The following PPIL1 variants were observed in gnomAD, a reference collection of about 807,000 sequenced individuals.
PPIL1 encodes the protein peptidylprolyl isomerase like 1.
Under a neutral mutation model 19.4 loss-of-function variants are expected in PPIL1, and 14 were observed. The ratio of observed to expected loss-of-function variants is 0.72; its 90% CI spans 0.48 to 1.13. The LOEUF is 1.13. Among genes scored for constraint, PPIL1 ranks in the 50% most tolerant of loss-of-function variants. PPIL1 has a pLI of 0.00. For missense variants in PPIL1, 192 were observed against 218.0 expected (o/e 0.88, Z 0.75); for synonymous variants, 72 against 73.6 (o/e 0.98, Z 0.11).
At chr6:36,873,980 T>G (rs11756425) in intron 1 of PPIL1, among the ~76,000 whole-genome samples, 29,532 of 152,076 alleles carry the variant, frequency 0.19, 3,678 homozygotes, top group East Asian at 0.34. Context: ...CACTTTGAGC[T>G]TTTTCCAAAG....
At chr6:36,861,639 T>C (rs1408003599) in intron 2 of PPIL1, among the ~76,000 whole-genome samples, 1 of 152,096 alleles carries the variant, frequency 6.6e-6, no homozygotes, top group Non-Finnish European at 1.5e-5. Context: ...GAACAGAACC[T>C]TTGCAGTTAA....
At position 36,855,723 on chromosome 6, in the gene PPIL1, A is replaced by C; in HGVS notation, c.*90T>G. ...TAAGCTTCATGACTTGCAAAGCCAA[A>C]ATGAATTTAGCATTACATGTCATTC... On this transcript the variant is annotated 3_prime_UTR_variant, in exon 4 of 4. Coordinates refer to ENST00000373699, the MANE Select transcript of PPIL1 (RefSeq NM_016059.5). 1 of 1,383,856 alleles carries C rather than the reference A, an allele frequency of 7.2e-7. No homozygotes were observed. Among genetic ancestry groups the C allele is most frequent in the Non-Finnish European group, 1.0e-6 (1 of 990,064 alleles). 85.7% of individuals were successfully genotyped at this position (1,383,856 alleles called of 1,614,324 possible).
At chr6:36,856,203 TA>T (rs1475282260) in intron 3 of PPIL1, among the ~76,000 whole-genome samples, 170 bp from the exon 4 acceptor site, 6 of 152,180 alleles carry the variant, frequency 3.9e-5, no homozygotes, top group African/African-American at 1.4e-4. Context: ...AGGCCATCAC[TA>T]CACTATTCTG....
chr6:36,860,763 TAAAAAAA>T (rs10585822), intron 2 of PPIL1, among the ~76,000 whole-genome samples: 2 of 122,224 alleles, frequency 1.6e-5, no homozygotes, highest in African/African-American at 5.8e-5. Flanking sequence ...TATGTATCCC[TAAAAAAA>T]AAAAAAAAAA....
intron 2 of PPIL1, among the ~76,000 whole-genome samples, chr6:36,865,561 G>GT (rs140259320): frequency 4.7e-4 from 72 of 152,236 alleles, no homozygotes; most frequent in African/African-American, 1.7e-3. Context: ...CTCCTGCCCT[G>GT]TACCCACCCT....
In PPIL1 at chr6:36,855,862, TCCTGGG is replaced by T; in HGVS notation, c.446_451del (p.Ser149_Asp151delinsTyr). 6.2e-7 allele frequency: 1 copy of T among 1,614,090 alleles called. No individual in the cohort carries two copies. The highest frequency in any genetic ancestry group is 8.5e-7 in the Non-Finnish European group (1 of 1,180,000). On this transcript the variant is annotated inframe_deletion, in exon 4 of 4. Transcript: ENST00000373699. Reference sequence around the variant, plus strand: ...GATCTTCACGTCGTCCACAGGGCGGTCCTGGGAGTTTGTTTCTACCATTCCCACGCG... The same window carrying T: ...GATCTTCACGTCGTCCACAGGGCGGTAGTTTGTTTCTACCATTCCCACGCG...
At chr6:36,865,668 CT>C in intron 2 of PPIL1, among the ~76,000 whole-genome samples, 1 of 152,262 alleles carries the variant, frequency 6.6e-6, no homozygotes, top group Admixed American at 6.5e-5. Context: ...TGCTTTTTCC[CT>C]TATTGTGAAT....
chr6:36,860,763 TAAAAAA>T (rs10585822), intron 2 of PPIL1, among the ~76,000 whole-genome samples: 1 of 122,224 alleles, frequency 8.2e-6, no homozygotes, highest in East Asian at 2.5e-4. Context: ...TATGTATCCC[TAAAAAA>T]AAAAAAAAAA....
Position 36,856,005 on chromosome 6 carries a change from C to T in PPIL1, c.309G>A (p.Ala103=), listed in dbSNP as rs763795089. 1.4e-5 allele frequency: 23 copies of T among 1,614,022 alleles called. No homozygotes were observed. In the South Asian group the frequency reaches 2.0e-4, roughly 14 times the overall value. The stretch of plus-strand genomic sequence containing the variant: ...ACTGGCTGCCATTGGTATCTGGCCC[C>T]GCATTGGCCATTGCGAGAATTCCAG... ...TGAGILAMAN[A]GPDTNGSQFF... is the part of the protein sequence containing the mutation. Residue 103 remains alanine, a synonymous_variant, in exon 4 of 4, where the codon GCG becomes GCA. Coordinates refer to ENST00000373699, the MANE Select transcript of PPIL1 (RefSeq NM_016059.5).
chr6:36,865,312 A>G (rs2150657900), intron 2 of PPIL1, among the ~76,000 whole-genome samples: 1 of 152,320 alleles, frequency 6.6e-6, no homozygotes, highest in African/African-American at 2.4e-5. Context: ...GTCATGCTCA[A>G]TCAAATCTGA....
chr6:36,873,460 T>A (rs1561850321), intron 1 of PPIL1, among the ~76,000 whole-genome samples: 2 of 152,122 alleles, frequency 1.3e-5, no homozygotes, highest in Admixed American at 1.3e-4. Flanking sequence ...ATTTTTTTGT[T>A]AAAAAAACAT....
At chr6:36,867,492 C>T (rs773115574) in intron 2 of PPIL1, among the ~76,000 whole-genome samples, 2 of 152,262 alleles carry the variant, frequency 1.3e-5, no homozygotes, top group African/African-American at 2.4e-5. Flanking sequence ...CTCACAAATA[C>T]CCTCCGATTC....
At chr6:36,872,207 T>A (rs1389264677) in intron 1 of PPIL1, among the ~76,000 whole-genome samples, 1 of 151,686 alleles carries the variant, frequency 6.6e-6, no homozygotes, top group Non-Finnish European at 1.5e-5. Flanking sequence ...AACCCCTAAA[T>A]TAGGAAAAAA....
chr6:36,871,566 C>T, intron 2 of PPIL1, 152 bp downstream of exon 2: 1 of 969,454 alleles, frequency 1.0e-6, no homozygotes, highest in Non-Finnish European at 1.5e-6. Flanking sequence ...CCAGAATCAA[C>T]CAACACAGAC....
At chr6:36,871,628 G>A in intron 2 of PPIL1, 90 bp downstream of exon 2, 1 of 1,464,752 alleles carries the variant, frequency 6.8e-7, no homozygotes, top group Non-Finnish European at 9.2e-7. Flanking sequence ...ATTTACGACA[G>A]AGACTTCAGA....
chr6:36,866,068 A>G (rs554542321), intron 2 of PPIL1, among the ~76,000 whole-genome samples: 1 of 152,372 alleles, frequency 6.6e-6, no homozygotes, highest in Admixed American at 6.5e-5. Flanking sequence ...CAGAGCAGGA[A>G]GAGCTAAAGG....
In PPIL1 at chr6:36,855,968, G is replaced by A; in HGVS notation, c.346C>T (p.Leu116Phe). 6.2e-7 allele frequency: 1 copy of A among 1,614,194 alleles called. No individual in the cohort carries two copies. The highest frequency in any genetic ancestry group is 1.3e-5 in the African/African-American group (1 of 75,044). ...CCGTCAAGCCACTGGGTGGGGGCGAGGGTCACAAAGAACTGGCTGCCATTG... is the reference window on the plus strand; with the variant it reads ...CCGTCAAGCCACTGGGTGGGGGCGAAGGTCACAAAGAACTGGCTGCCATTG... Reference protein sequence around the residue: ...DTNGSQFFVTLAPTQWLDGKH... With the variant: ...DTNGSQFFVTFAPTQWLDGKH... Residue 116 changes from leucine to phenylalanine, a missense_variant, in exon 4 of 4, where the codon CTC becomes TTC. Coordinates refer to ENST00000373699, the MANE Select transcript of PPIL1 (RefSeq NM_016059.5).
chr6:36,859,110 G>A (rs1774225674), intron 2 of PPIL1, among the ~76,000 whole-genome samples: 2 of 152,068 alleles, frequency 1.3e-5, no homozygotes, highest in Admixed American at 1.3e-4. Flanking sequence ...AACAAGAAGT[G>A]CATTAAGGAA....
chr6:36,859,316 T>C (rs1260138099), intron 2 of PPIL1, among the ~76,000 whole-genome samples: 2 of 151,220 alleles, frequency 1.3e-5, no homozygotes, highest in African/African-American at 4.9e-5. Context: ...TCCCAGCTAC[T>C]TGGGAGGCTG....
Sources: gnomAD v4.1 joint callset for allele counts (sites outside exome capture counted in the v4.1 genomes callset) on GRCh38, gnomAD v4.1.1 for gene constraint, MANE v1.5 for transcripts, NCBI Gene and HGNC (gene_info 2026-07-23, HGNC 2026-07-21) for gene names.